The following RB1 variants were observed in gnomAD, a reference collection of about 807,000 sequenced individuals.
RB1 encodes the protein RB transcriptional corepressor 1.
RB1 carries 18 observed loss-of-function variants against 135.4 expected under a neutral mutation model. The observed-to-expected ratio is 0.13, with a 90% CI of 0.09 to 0.20. The LOEUF (loss-of-function observed/expected upper bound fraction) is 0.20, where lower values mean the gene tolerates loss of function less well. RB1 is among the 10% of genes least tolerant of loss of function. The pLI, the probability that RB1 is intolerant of heterozygous loss-of-function variation, is 1.00. For synonymous variants in RB1, 365 were observed against 373.2 expected (o/e 0.98, Z 0.25); for missense variants, 868 against 1,110.0 (o/e 0.78, Z 3.10).
At chr13:48,411,977 T>C in intron 17 of RB1, 1 of 1,567,650 alleles carries the variant, frequency 6.4e-7, no homozygotes, top group Non-Finnish European at 8.6e-7. Flanking sequence ...AAACGGCGGG[T>C]GCACTTCCTC....
chr13:48,465,419 T>A (rs2138346503), intron 23 of RB1, 51 bp downstream of exon 23: 2 of 1,482,366 alleles, frequency 1.3e-6, no homozygotes, highest in Admixed American at 3.4e-5. Context: ...GGGGATTATT[T>A]TGATCCAAGA....
chr13:48,433,612 G>T (rs1720225842), intron 17 of RB1, among the ~76,000 whole-genome samples: 1 of 151,170 alleles, frequency 6.6e-6, no homozygotes, highest in African/African-American at 2.4e-5. Context: ...CAAATATTAT[G>T]ACAAAAGCAT....
rs145540270 is a variant in RB1 at position 48,439,816 on chromosome 13, A to G, written c.1696-13177A>G. 3 of 152,300 alleles carry G rather than the reference A, an allele frequency of 2.0e-5. No homozygotes were observed. In the East Asian group the frequency reaches 5.8e-4, roughly 29 times the overall value. The allele number at this position is 152,300 out of a possible 1,614,324, so 9.4% of individuals were successfully genotyped here. A position where few individuals can be genotyped will look rare whatever the true frequency, so the allele number is the denominator to read the frequency against. ...TTGAAAGAAGGCCTTTTTGAACCTA[A>G]GAAGACAAGAAATTGAACTGTTATC... On this transcript the variant is annotated intron_variant, in intron 17 of 26. Transcript: ENST00000267163.
At chr13:48,426,962 A>G (rs1593506927) in intron 17 of RB1, 5 of 152,634 alleles carry the variant, frequency 3.3e-5, no homozygotes, top group Admixed American at 3.3e-4. Context: ...GGAAACAGGC[A>G]TGTCACGTGG....
At chr13:48,420,735 C>T (rs750754913) in intron 17 of RB1, among the ~76,000 whole-genome samples, 1 of 152,070 alleles carries the variant, frequency 6.6e-6, no homozygotes, top group Non-Finnish European at 1.5e-5. Context: ...TATTCCTATA[C>T]AACAATAATA....
At chr13:48,367,380 T>C in intron 9 of RB1, 114 bp from the exon 10 acceptor site, 1 of 1,135,230 alleles carries the variant, frequency 8.8e-7, no homozygotes, top group South Asian at 1.4e-5. Flanking sequence ...TCAGTGTATA[T>C]TACAAAATTA....
chr13:48,412,220 A>G, intron 17 of RB1: 1 of 1,614,018 alleles, frequency 6.2e-7, no homozygotes, highest in East Asian at 2.2e-5. Context: ...AGGGTAAAGT[A>G]AAAACAAAAA....
chr13:48,391,108 G>C (rs567441711), intron 17 of RB1, among the ~76,000 whole-genome samples: 28 of 151,714 alleles, frequency 1.8e-4, no homozygotes, highest in Non-Finnish European at 3.2e-4. Context: ...TAGGCTTACT[G>C]TCTATACTTC....
At chr13:48,318,486 T>G in intron 2 of RB1, 1 of 1,218,462 alleles carries the variant, frequency 8.2e-7, no homozygotes, top group Non-Finnish European at 1.2e-6. Flanking sequence ...CTCGTCTGTC[T>G]TACCCTGGCC....
At chr13:48,382,853 T>C (rs431406) in intron 17 of RB1, among the ~76,000 whole-genome samples, 34,551 of 151,964 alleles carry the variant, frequency 0.23, 4,121 homozygotes, top group South Asian at 0.28. Context: ...CTTTAATCCA[T>C]CTTGAATTAA....
intron 2 of RB1, among the ~76,000 whole-genome samples, chr13:48,307,876 T>G (rs1952097636): frequency 1.3e-5 from 2 of 150,030 alleles, no homozygotes; most frequent in South Asian, 4.2e-4. Flanking sequence ...AAAAAAAAAG[T>G]TTGAAAAAAA....
At position 48,340,039 on chromosome 13, in the gene RB1, G is replaced by A. The variant is rs117665841; in HGVS notation, c.265-2560G>A. On this transcript the variant is annotated intron_variant, in intron 2 of 26. Transcript: ENST00000267163. ...ATAAGTTCATTTTCTACAGAGGTGC[G>A]AAGGTAATGGAGGAAGGATATTCTT... Among the ~76,000 whole-genome samples, 1,133 of 152,230 alleles carry A rather than the reference G, an allele frequency of 7.4e-3. 17 individuals carry two copies. The highest frequency in any genetic ancestry group is 5.9e-3 in the Non-Finnish European group (403 of 68,024).
intron 6 of RB1, among the ~76,000 whole-genome samples, chr13:48,355,011 A>G (rs2138101437): frequency 6.6e-6 from 1 of 152,238 alleles, no homozygotes; most frequent in South Asian, 2.1e-4. Context: ...GTCTGGGCAA[A>G]AATTTCTTGA....
At chr13:48,416,723 G>C (rs1409354039) in intron 17 of RB1, among the ~76,000 whole-genome samples, 1 of 152,200 alleles carries the variant, frequency 6.6e-6, no homozygotes, top group Non-Finnish European at 1.5e-5. Context: ...GTCTGAAGTC[G>C]ACCTGGGATG....
chr13:48,327,851 A>C (rs1009982385), intron 2 of RB1, among the ~76,000 whole-genome samples: 1 of 152,198 alleles, frequency 6.6e-6, no homozygotes, highest in Non-Finnish European at 1.5e-5. Flanking sequence ...TAAACTTTGG[A>C]AACTAATCAC....
At chr13:48,459,950 T>TTTCTTTCTTTA in intron 20 of RB1, 117 bp downstream of exon 20, 1 of 240,578 alleles carries the variant, frequency 4.2e-6, no homozygotes, top group Non-Finnish European at 6.9e-6. Context: ...TCTTTCTTTC[T>TTTCTTTCTTTA]TTTTCTTTCT....
intron 16 of RB1, 43 bp from the exon 17 acceptor site, chr13:48,381,204 G>T (rs1355573479): frequency 1.3e-6 from 2 of 1,553,106 alleles, no homozygotes; most frequent in East Asian, 4.7e-5. Context: ...CTAGCTCAAG[G>T]GTTAATATTT....
At chr13:48,325,675 T>C (rs1463717865) in intron 2 of RB1, among the ~76,000 whole-genome samples, 1 of 133,532 alleles carries the variant, frequency 7.5e-6, no homozygotes, top group African/African-American at 2.5e-5. Flanking sequence ...GTATTTAGCT[T>C]AATCCTTTTA....
chr13:48,375,015 A>T (rs1216214654), intron 12 of RB1, among the ~76,000 whole-genome samples: 4 of 152,126 alleles, frequency 2.6e-5, no homozygotes, highest in Non-Finnish European at 4.4e-5. Context: ...ACCTCCAGCT[A>T]CATCCATGTG....
Sources: allele counts gnomAD v4.1 joint callset (sites outside exome capture counted in the v4.1 genomes callset), GRCh38; gene constraint gnomAD v4.1.1; transcripts MANE v1.5; gene names NCBI Gene and HGNC (gene_info 2026-07-23, HGNC 2026-07-21).